ZDHHC15: variants seen among roughly 807,000 people sequenced by gnomAD.
ZDHHC15 encodes the protein palmitoyltransferase ZDHHC15.
ZDHHC15 carries 19 observed loss-of-function variants against 31.7 expected under a neutral mutation model. That is an observed-to-expected ratio of 0.60 (90% CI 0.42 to 0.88). The LOEUF (loss-of-function observed/expected upper bound fraction) is 0.88, where lower values mean the gene tolerates loss of function less well. ZDHHC15 is among the 40% of genes least tolerant of loss of function. ZDHHC15 has a pLI of 0.00. For missense variants in ZDHHC15, 209 were observed against 251.2 expected, an observed-to-expected ratio of 0.83 and a Z score of 1.14; for synonymous variants, 103 against 90.0, an observed-to-expected ratio of 1.14 and a Z score of -0.82.
At chrX:75,410,566 G>T (rs1026913579) in intron 10 of ZDHHC15, among the ~76,000 whole-genome samples, 5 of 111,564 alleles carry the variant, frequency 4.5e-5, no homozygotes, top group Admixed American at 2.9e-4. Context: ...TGTAATCCTT[G>T]TTAAAATAAG....
chrX:75,440,077 G>A (rs910558922), intron 4 of ZDHHC15, among the ~76,000 whole-genome samples: 1 of 111,453 alleles, frequency 9.0e-6, no homozygotes, highest in Non-Finnish European at 1.9e-5. Flanking sequence ...GGTAGCAGGG[G>A]AGTTGAAGTG....
rs191005005 is a variant in ZDHHC15, at chrX:75,454,126, A to G, written c.259-3204T>C. Among the ~76,000 whole-genome samples, 27 of 111,869 alleles carry G rather than the reference A, an allele frequency of 2.4e-4. No individual in the cohort carries two copies. The East Asian group carries it at 7.3e-3, about 30-fold the overall frequency. ...CCCTGTTTGCAGATGACATGATTGT[A>G]TATTTAGAAAACCCCATCGTCTCAG... On this transcript the variant is annotated intron_variant, in intron 3 of 11. Coordinates refer to ENST00000373367, the MANE Select transcript of ZDHHC15 (RefSeq NM_144969.3).
chrX:75,517,196 A>C (rs1264624193), intron 1 of ZDHHC15, among the ~76,000 whole-genome samples: 1 of 111,944 alleles, frequency 8.9e-6, no homozygotes, highest in East Asian at 2.8e-4. Flanking sequence ...TCAAGGATCT[A>C]GAACTAGAAA....
intron 3 of ZDHHC15, among the ~76,000 whole-genome samples, chrX:75,460,801 C>T (rs967812255): frequency 1.8e-5 from 2 of 111,876 alleles, no homozygotes; most frequent in Non-Finnish European, 3.8e-5. Flanking sequence ...CAACCTCAAA[C>T]ATTGAAGATA....
chrX:75,437,266 TTTTG>T (rs1431238020), intron 4 of ZDHHC15, among the ~76,000 whole-genome samples: 1 of 27,895 alleles, frequency 3.6e-5, no homozygotes, highest in Non-Finnish European at 2.1e-4. Context: ...ACTTTCTTTT[TTTTG>T]TTTTTTTTTT....
chrX:75,474,404 G>C (rs1271027491), intron 3 of ZDHHC15, among the ~76,000 whole-genome samples: 1 of 104,822 alleles, frequency 9.5e-6, no homozygotes, highest in African/African-American at 3.5e-5. Context: ...CCTTGTGATT[G>C]TGTGAATTAA....
At chrX:75,445,980 C>T (rs1395630915) in intron 4 of ZDHHC15, among the ~76,000 whole-genome samples, 1 of 111,030 alleles carries the variant, frequency 9.0e-6, no homozygotes, top group Non-Finnish European at 1.9e-5. Context: ...GGACCCATCC[C>T]TCTTTGCTTC....
intron 1 of ZDHHC15, among the ~76,000 whole-genome samples, chrX:75,506,066 A>T (rs2085156440): frequency 8.9e-6 from 1 of 111,783 alleles, no homozygotes; most frequent in Non-Finnish European, 1.9e-5. Flanking sequence ...TTTGTCTTAA[A>T]CCTTCAGCAA....
chrX:75,404,278 A>G (rs878967273), intron 10 of ZDHHC15, among the ~76,000 whole-genome samples: 1 of 112,303 alleles, frequency 8.9e-6, no homozygotes, highest in African/African-American at 3.2e-5. Flanking sequence ...AAAACCCAGG[A>G]AGACAATCTA....
intron 3 of ZDHHC15, among the ~76,000 whole-genome samples, chrX:75,456,034 C>G (rs1350358784): frequency 9.0e-6 from 1 of 111,634 alleles, no homozygotes; most frequent in African/African-American, 3.3e-5. Flanking sequence ...AATCATGCTA[C>G]TAGAAAGACA....
intron 10 of ZDHHC15, among the ~76,000 whole-genome samples, chrX:75,413,264 C>T (rs1262016696): frequency 8.9e-6 from 1 of 111,992 alleles, no homozygotes; most frequent in Non-Finnish European, 1.9e-5. Flanking sequence ...TGCTCTGCTG[C>T]TGGAGTCTTT....
chrX:75,520,077 T>C (rs1192893774), intron 1 of ZDHHC15, among the ~76,000 whole-genome samples: 1 of 112,093 alleles, frequency 8.9e-6, no homozygotes, highest in African/African-American at 3.2e-5. Flanking sequence ...CTCTGTGACC[T>C]TAGGTAAGCT....
intron 1 of ZDHHC15, among the ~76,000 whole-genome samples, chrX:75,517,405 C>A (rs1188870256): frequency 9.1e-6 from 1 of 109,748 alleles, no homozygotes; most frequent in Non-Finnish European, 1.9e-5. Flanking sequence ...TACTATGCAT[C>A]CATAAAAAAG....
intron 2 of ZDHHC15, among the ~76,000 whole-genome samples, chrX:75,494,155 C>T (rs1190418899): frequency 1.8e-5 from 2 of 110,777 alleles, no homozygotes; most frequent in Admixed American, 9.7e-5. Flanking sequence ...AAACAGAGAG[C>T]CAAATCATGA....
chrX:75,500,371 C>T (rs1168425046), intron 2 of ZDHHC15, among the ~76,000 whole-genome samples: 4 of 109,504 alleles, frequency 3.7e-5, no homozygotes, highest in African/African-American at 1.3e-4. Context: ...TATATAGTAA[C>T]ATGGAAATAC....
chrX:75,419,507 T>G (rs1386654938), intron 9 of ZDHHC15, among the ~76,000 whole-genome samples: 2 of 110,968 alleles, frequency 1.8e-5, no homozygotes, highest in Admixed American at 9.6e-5. Context: ...GGTGGGACTG[T>G]AAACTAGTTC....
chrX:75,439,698 T>C (rs942255813), intron 4 of ZDHHC15, among the ~76,000 whole-genome samples: 5 of 112,155 alleles, frequency 4.5e-5, no homozygotes, highest in African/African-American at 1.6e-4. Context: ...TTAGATCCAT[T>C]GCTTGTGACC....
chrX:75,443,431 C>G (rs988127543), intron 4 of ZDHHC15, among the ~76,000 whole-genome samples: 1 of 111,853 alleles, frequency 8.9e-6, no homozygotes, highest in African/African-American at 3.3e-5. Context: ...AAAGCTGAAA[C>G]TGGATCCCTT....
chrX:75,421,834 T>C lies in ZDHHC15; in HGVS notation c.863+30A>G, dbSNP rs372452203. 86 of 1,202,508 alleles carry C rather than the reference T, an allele frequency of 7.2e-5. 1 individual carries two copies. In the African/African-American group the frequency reaches 1.2e-3, roughly 17 times the overall value. On this transcript the variant is annotated intron_variant, in intron 9 of 11. Coordinates refer to ENST00000373367, the MANE Select transcript of ZDHHC15 (RefSeq NM_144969.3). ...GCTGGTTCAAGGCAGGGTCCAGTAC[T>C]AACTTCTTCCAGTGGTAATATTTAC...
Sources: gnomAD v4.1 joint callset for allele counts (sites outside exome capture counted in the v4.1 genomes callset) on GRCh38, gnomAD v4.1.1 for gene constraint, MANE v1.5 for transcripts, NCBI Gene and HGNC (gene_info 2026-07-23, HGNC 2026-07-21) for gene names.